Variants in SGK1 observed in about 807,000 individuals in gnomAD.
SGK1 encodes the protein serine/threonine-protein kinase Sgk1.
In SGK1, 26 loss-of-function variants were observed where a neutral mutation model predicts 64.2. That is an observed-to-expected ratio of 0.40 (90% CI 0.30 to 0.56). The LOEUF (loss-of-function observed/expected upper bound fraction) is 0.56. SGK1 is among the 20% of genes least tolerant of loss of function. The pLI, the probability that SGK1 is intolerant of heterozygous loss-of-function variation, is 0.38. For missense variants in SGK1, 519 were observed against 645.6 expected, an observed-to-expected ratio of 0.80 and a Z score of 2.12; for synonymous variants, 265 against 239.7, an observed-to-expected ratio of 1.11 and a Z score of -0.98.
At chr6:134,295,999 C>T (rs576884783) in intron 1 of SGK1, among the ~76,000 whole-genome samples, 1 of 152,332 alleles carries the variant, frequency 6.6e-6, no homozygotes, top group Non-Finnish European at 1.5e-5. Context: ...TCAATTTTCT[C>T]AAGTTCCTGC....
intron 1 of SGK1, among the ~76,000 whole-genome samples, chr6:134,310,653 T>C (rs1777595915): frequency 6.6e-6 from 1 of 152,242 alleles, no homozygotes; most frequent in South Asian, 2.1e-4. Context: ...AATGGCGTGA[T>C]CTTGGCTCAC....
chr6:134,231,537 C>T (rs2114713600), intron 2 of SGK1, among the ~76,000 whole-genome samples: 1 of 152,284 alleles, frequency 6.6e-6, no homozygotes, highest in Non-Finnish European at 1.5e-5. Context: ...AAAGCTATCA[C>T]AAAATATTTT....
At chr6:134,212,396 ACT>A (rs1775907256) in intron 2 of SGK1, among the ~76,000 whole-genome samples, 2 of 151,986 alleles carry the variant, frequency 1.3e-5, no homozygotes, top group South Asian at 2.1e-4. Context: ...GAACAGGTCT[ACT>A]CTCTCTTTTA....
At chr6:134,317,288 A>G in intron 1 of SGK1, 104 bp downstream of exon 1, 6 of 802,394 alleles carry the variant, frequency 7.5e-6, no homozygotes, top group Non-Finnish European at 1.1e-5. Context: ...CACGGCTTAC[A>G]TTAAGGGTTT....
intron 1 of SGK1, among the ~76,000 whole-genome samples, chr6:134,266,735 C>T (rs1282864251): frequency 4.6e-5 from 7 of 152,194 alleles, no homozygotes; most frequent in South Asian, 2.1e-4. Flanking sequence ...AAGAATGTTT[C>T]GCTGATTCAT....
rs748478722 is a variant in SGK1, at chr6:134,171,041, G to A, written c.1305C>T (p.Leu435=). The change falls in exon 12 of 14, where the codon CTC becomes CTT. Residue 435 remains leucine (L), a synonymous_variant. Coordinates refer to ENST00000367858, the MANE Select transcript of SGK1 (RefSeq NM_001143676.3). The part of the protein sequence containing the change: ...GLLQKDRTKR[L]GAKDDFMEIK... ...CACTCACGAAGTCATCCTTGGCCCC[G>A]AGCCGCTTTGTCCTGTCCTTCTGCA... The A allele has an allele frequency of 1.7e-5, 27 of 1,613,996 alleles. No individual in the cohort carries two copies. The highest frequency in any genetic ancestry group is 2.2e-5 in the Non-Finnish European group (26 of 1,179,998).
At chr6:134,175,967 C>T in intron 3 of SGK1, 2 of 1,139,598 alleles carry the variant, frequency 1.8e-6, no homozygotes, top group Non-Finnish European at 2.2e-6. Context: ...GTCGTCTCTG[C>T]ACTAAAGGAA....
At chr6:134,198,298 A>G (rs1375409142) in intron 3 of SGK1, among the ~76,000 whole-genome samples, 1 of 152,224 alleles carries the variant, frequency 6.6e-6, no homozygotes, top group Non-Finnish European at 1.5e-5. Flanking sequence ...ATTTATCTGT[A>G]ATATCAGGAG....
chr6:134,195,290 T>C (rs1471707145), intron 3 of SGK1, among the ~76,000 whole-genome samples: 2 of 152,236 alleles, frequency 1.3e-5, no homozygotes, highest in South Asian at 2.1e-4. Flanking sequence ...CAAGCAATTT[T>C]GGTCAGAACA....
At chr6:134,294,455 C>T (rs1361294545) in intron 1 of SGK1, among the ~76,000 whole-genome samples, 1 of 152,192 alleles carries the variant, frequency 6.6e-6, no homozygotes, top group Non-Finnish European at 1.5e-5. Context: ...ATAAATGGGA[C>T]TACTCTAAGT....
In SGK1 at chr6:134,317,693, G is replaced by A. The variant is rs1582783566; in HGVS notation, c.-233C>T. 3 of 547,384 alleles carry A rather than the reference G, an allele frequency of 5.5e-6. No homozygotes were observed. The highest frequency in any genetic ancestry group is 6.4e-5 in the Admixed American group (2 of 31,308). 33.9% of individuals were successfully genotyped at this position (547,384 alleles called of 1,614,324 possible). A position where few individuals can be genotyped will look rare whatever the true frequency, so the allele number is the denominator to read the frequency against. On this transcript the variant is annotated 5_prime_UTR_variant, in exon 1 of 14. Transcript: ENST00000367858. Reference sequence around the variant, plus strand: ...GCTTTTCTCCTTCCATCATTGCTCCGAAACATATGCATCACCGCTGCAGGA... The same window carrying A: ...GCTTTTCTCCTTCCATCATTGCTCCAAAACATATGCATCACCGCTGCAGGA...
At chr6:134,314,338 A>G (rs7773533) in intron 1 of SGK1, among the ~76,000 whole-genome samples, 10,397 of 147,046 alleles carry the variant, frequency 0.071, 637 homozygotes, top group African/African-American at 0.17. Flanking sequence ...TAAAGATTTC[A>G]CTTGGTTGGG....
Position 134,220,008 on chromosome 6 carries a change from G to A in SGK1, c.286-12577C>T, listed in dbSNP as rs1283077882. 1.3e-4 allele frequency among the ~76,000 whole-genome samples: 16 copies of A among 127,076 alleles called. No homozygotes were observed. The East Asian group carries it at 1.6e-3, about 13-fold the overall frequency. 83.4% of individuals were successfully genotyped at this position (127,076 alleles called of 152,430 possible). ...CGGGAGGCGGAGCTTGCAGTGAGCC[G>A]AGATCCCGCCACTGCAGTCCAGCCT... On this transcript the variant is annotated intron_variant, in intron 2 of 13. Coordinates refer to ENST00000367858, the MANE Select transcript of SGK1 (RefSeq NM_001143676.3).
chr6:134,208,327 GT>G (rs971485476), intron 2 of SGK1, among the ~76,000 whole-genome samples: 9 of 152,072 alleles, frequency 5.9e-5, no homozygotes, highest in Non-Finnish European at 1.0e-4. Context: ...GCAGATACAT[GT>G]TTTTAATGAT....
intron 3 of SGK1, among the ~76,000 whole-genome samples, chr6:134,193,379 CAT>C (rs1775544820): frequency 6.6e-6 from 1 of 152,144 alleles, no homozygotes; most frequent in African/African-American, 2.4e-5. Context: ...TACTTATGGA[CAT>C]AAAAACATCA....
intron 3 of SGK1, among the ~76,000 whole-genome samples, chr6:134,190,588 C>G (rs1424848356): frequency 6.6e-6 from 1 of 152,084 alleles, no homozygotes; most frequent in Non-Finnish European, 1.5e-5. Context: ...GCCAAGCTTC[C>G]TGGCATACAC....
chr6:134,207,677 C>G (rs1242402144), intron 2 of SGK1, among the ~76,000 whole-genome samples: 1 of 152,212 alleles, frequency 6.6e-6, no homozygotes, highest in Non-Finnish European at 1.5e-5. Flanking sequence ...AGCAGTTTCA[C>G]TGGGCTGATG....
chr6:134,297,060 A>C, intron 1 of SGK1: 1 of 465,048 alleles, frequency 2.2e-6, no homozygotes, highest in Non-Finnish European at 4.1e-6. Flanking sequence ...GATCTTCTTC[A>C]CAACCACAGC....
intron 3 of SGK1, among the ~76,000 whole-genome samples, chr6:134,190,575 C>T (rs1775494844): frequency 6.6e-6 from 1 of 152,126 alleles, no homozygotes; most frequent in South Asian, 2.1e-4. Context: ...CATGAGCCAC[C>T]ACGCCAAGCT....
Sources: gnomAD v4.1 joint callset for allele counts (sites outside exome capture counted in the v4.1 genomes callset) on GRCh38, gnomAD v4.1.1 for gene constraint, MANE v1.5 for transcripts, NCBI Gene and HGNC (gene_info 2026-07-23, HGNC 2026-07-21) for gene names.